WWTR1: variants seen among roughly 807,000 people sequenced by gnomAD.
WWTR1 encodes the protein WW domain containing transcription regulator 1.
A neutral mutation model predicts 40.1 loss-of-function variants in WWTR1; 13 were observed. That is an observed-to-expected ratio of 0.32 (90% CI 0.21 to 0.52). The LOEUF is 0.52. WWTR1 is among the 20% of genes least tolerant of loss of function. WWTR1 has a pLI of 0.97. For synonymous variants in WWTR1, 230 were observed against 210.1 expected (o/e 1.09, Z -0.82); for missense variants, 436 against 523.1 (o/e 0.83, Z 1.63).
chr3:149,584,943 C>A (rs1200106745), intron 2 of WWTR1, among the ~76,000 whole-genome samples: 1 of 152,082 alleles, frequency 6.6e-6, no homozygotes, highest in Non-Finnish European at 1.5e-5. Context: ...AATATTAGTT[C>A]CCTTCCTTTC....
chr3:149,696,850 C>T (rs1715009985), intron 1 of WWTR1, among the ~76,000 whole-genome samples: 1 of 152,172 alleles, frequency 6.6e-6, no homozygotes, highest in Non-Finnish European at 1.5e-5. Flanking sequence ...TCAGTTTACC[C>T]CTCCCCAGTC....
In WWTR1 at chr3:149,657,009, C is replaced by T. The variant is rs763906518; in HGVS notation, c.298G>A (p.Ala100Thr). ...SPASLQLGTGAGAAGSPAQQH... is the reference protein window; with the variant it reads ...SPASLQLGTGTGAAGSPAQQH... The stretch of plus-strand genomic sequence containing the variant: ...TGCGCGGGGCTACCCGCAGCACCCG[C>T]GCCGGTGCCCAGCTGCAGGGACGCG... The change falls in exon 2 of 7, where the codon GCG becomes ACG. Residue 100 changes from alanine (A) to threonine (T), a missense_variant. Transcript: ENST00000360632. 1 of 1,596,190 alleles carries T rather than the reference C, an allele frequency of 6.3e-7. No individual in the cohort carries two copies. The highest frequency in any genetic ancestry group is 2.2e-5 in the East Asian group (1 of 44,636).
intron 4 of WWTR1, among the ~76,000 whole-genome samples, chr3:149,541,475 G>A (rs984347891): frequency 5.9e-5 from 9 of 152,152 alleles, no homozygotes; most frequent in Non-Finnish European, 1.2e-4. Context: ...CACTCTGTTG[G>A]AGTCCATATA....
chr3:149,618,122 A>T (rs1432493227), intron 2 of WWTR1, among the ~76,000 whole-genome samples: 2 of 152,206 alleles, frequency 1.3e-5, no homozygotes, highest in Non-Finnish European at 2.9e-5. Context: ...TTAGGGATGG[A>T]CTGAAACAAG....
intron 1 of WWTR1, among the ~76,000 whole-genome samples, chr3:149,701,072 A>T (rs1715153905): frequency 6.6e-6 from 1 of 152,066 alleles, no homozygotes; most frequent in Non-Finnish European, 1.5e-5. Context: ...TTTCATTTGG[A>T]GCTAAGAGGA....
intron 1 of WWTR1, among the ~76,000 whole-genome samples, chr3:149,694,654 T>C (rs1398422419): frequency 1.3e-5 from 2 of 152,078 alleles, no homozygotes; most frequent in African/African-American, 2.4e-5. Flanking sequence ...GTGGCTTGTA[T>C]CCAAAAGACA....
intron 2 of WWTR1, among the ~76,000 whole-genome samples, chr3:149,623,326 G>A (rs568584641): frequency 3.9e-4 from 60 of 152,322 alleles, no homozygotes; most frequent in African/African-American, 1.4e-3. Context: ...TTGTGCCACT[G>A]CACTCCAGCC....
intron 2 of WWTR1, among the ~76,000 whole-genome samples, chr3:149,603,872 A>AAG: frequency 6.7e-6 from 1 of 149,846 alleles, no homozygotes; most frequent in African/African-American, 2.5e-5. Flanking sequence ...AAAAAAAAAA[A>AAG]AAGCATGTGA....
chr3:149,690,921 C>T (rs1045511834), intron 1 of WWTR1, among the ~76,000 whole-genome samples: 18 of 152,158 alleles, frequency 1.2e-4, no homozygotes, highest in African/African-American at 3.1e-4. Context: ...TGGAATAAAA[C>T]GAGAAATCAA....
intron 3 of WWTR1, among the ~76,000 whole-genome samples, chr3:149,567,779 T>C (rs767879166): frequency 2.0e-5 from 3 of 152,154 alleles, no homozygotes; most frequent in South Asian, 2.1e-4. Context: ...ATTTTACAGA[T>C]AAGGAAAATG....
chr3:149,593,954 G>A lies in WWTR1; in HGVS notation c.432-20954C>T, dbSNP rs145350383. Among the ~76,000 whole-genome samples the A allele has an allele frequency of 3.4e-3, 520 of 152,296 alleles. 2 individuals are homozygous for A. Among genetic ancestry groups the A allele is most frequent in the African/African-American group, 0.012 (492 of 41,568 alleles). ...GGCAAATGAACCCATGACGCTGGATGTTAGAGTAGGTACCCTTGGGGAATC... is the reference window on the plus strand; with the variant it reads ...GGCAAATGAACCCATGACGCTGGATATTAGAGTAGGTACCCTTGGGGAATC... On this transcript the variant is annotated intron_variant, in intron 2 of 6. Transcript: ENST00000360632.
At chr3:149,699,438 C>T (rs1326901835) in intron 1 of WWTR1, among the ~76,000 whole-genome samples, 1 of 152,048 alleles carries the variant, frequency 6.6e-6, no homozygotes, top group Non-Finnish European at 1.5e-5. Context: ...GGATTATAGG[C>T]ATGTGTCACC....
At chr3:149,577,764 G>T (rs190824351) in intron 2 of WWTR1, among the ~76,000 whole-genome samples, 1 of 152,294 alleles carries the variant, frequency 6.6e-6, no homozygotes, top group East Asian at 1.9e-4. Flanking sequence ...CAGGTAAATT[G>T]TGTGTTTGGG....
intron 2 of WWTR1, among the ~76,000 whole-genome samples, chr3:149,586,493 T>A (rs554974740): frequency 6.6e-6 from 1 of 152,354 alleles, no homozygotes; most frequent in African/African-American, 2.4e-5. Context: ...AATAAATCTC[T>A]GTCACCATTG....
At chr3:149,604,558 C>G (rs1257117322) in intron 2 of WWTR1, among the ~76,000 whole-genome samples, 1 of 152,234 alleles carries the variant, frequency 6.6e-6, no homozygotes, top group Non-Finnish European at 1.5e-5. Context: ...GGGCCAGGTG[C>G]TCCTTGTGTC....
At chr3:149,691,933 G>A (rs1054479883) in intron 1 of WWTR1, among the ~76,000 whole-genome samples, 13 of 152,046 alleles carry the variant, frequency 8.6e-5, no homozygotes, top group South Asian at 4.2e-4. Flanking sequence ...GGAGAATGGC[G>A]TGAACCTGGG....
intron 3 of WWTR1, among the ~76,000 whole-genome samples, chr3:149,543,890 C>T (rs1365988263): frequency 6.7e-6 from 1 of 149,860 alleles, no homozygotes; most frequent in Non-Finnish European, 1.5e-5. Flanking sequence ...AACTTTAAAA[C>T]ATTTTATAAT....
chr3:149,638,222 GAAAGA>G (rs532112698), intron 2 of WWTR1, among the ~76,000 whole-genome samples: 130 of 152,062 alleles, frequency 8.5e-4, no homozygotes, highest in African/African-American at 1.8e-3. Flanking sequence ...GTCAAAAAAA[GAAAGA>G]AAAGAAAAGA....
chr3:149,572,931 G>A lies in WWTR1; in HGVS notation c.501C>T (p.Asn167=), dbSNP rs777900756. 3 of 1,613,876 alleles carry A rather than the reference G, an allele frequency of 1.9e-6. No homozygotes were observed. Among genetic ancestry groups the A allele is most frequent in the Non-Finnish European group, 1.7e-6 (2 of 1,179,964 alleles). The change falls in exon 3 of 7, where the codon AAC becomes AAT. Residue 167 remains asparagine (N), a synonymous_variant. Coordinates refer to ENST00000360632, the MANE Select transcript of WWTR1 (RefSeq NM_015472.6). ...KAMNQPLNHM[N]LHPAVSSTPV... Reference sequence around the variant, plus strand: ...GTGTGGAACTGACGGCAGGGTGGAGGTTCATATGATTCAGAGGCTGATTCA... The same window carrying A: ...GTGTGGAACTGACGGCAGGGTGGAGATTCATATGATTCAGAGGCTGATTCA...
Sources: gnomAD v4.1 joint callset for allele counts (sites outside exome capture counted in the v4.1 genomes callset) on GRCh38, gnomAD v4.1.1 for gene constraint, MANE v1.5 for transcripts, NCBI Gene and HGNC (gene_info 2026-07-23, HGNC 2026-07-21) for gene names.